The following PCDH7 variants were observed in gnomAD, a reference collection of about 807,000 sequenced individuals.
PCDH7 encodes protocadherin 7.
In PCDH7, 17 loss-of-function variants were observed where a neutral mutation model predicts 58.9. The observed-to-expected ratio is 0.29, with a 90% CI of 0.20 to 0.43. PCDH7 has a LOEUF of 0.43. Among genes scored for constraint, PCDH7 ranks in the 20% least tolerant of loss-of-function variants. The probability of loss-of-function intolerance (pLI) is 1.00; values close to 1 mark genes in which losing one functional copy is unlikely to be tolerated. For synonymous variants in PCDH7, 664 were observed against 616.4 expected (o/e 1.08, Z -1.14); for missense variants, 1,274 against 1,441.0 (o/e 0.88, Z 1.88).
At chr4:30,796,746 T>C (rs965266148) in intron 1 of PCDH7, among the ~76,000 whole-genome samples, 7 of 152,170 alleles carry the variant, frequency 4.6e-5, no homozygotes, top group African/African-American at 1.7e-4. Context: ...AAACTCCCTT[T>C]CCCACTTTAC....
chr4:30,737,261 C>G (rs1190203563), downstream of PCDH7, among the ~76,000 whole-genome samples: 4 of 152,194 alleles, frequency 2.6e-5, no homozygotes, highest in Non-Finnish European at 4.4e-5. Context: ...TTTTGAAGCA[C>G]TAAAGCAACT....
intron 1 of PCDH7, among the ~76,000 whole-genome samples, chr4:30,879,024 T>C (rs905858605): frequency 1.5e-4 from 23 of 152,142 alleles, no homozygotes; most frequent in African/African-American, 5.1e-4. Flanking sequence ...TAATAGTATT[T>C]ATTAAAATAT....
intron 1 of PCDH7, among the ~76,000 whole-genome samples, chr4:30,859,405 G>A (rs1733898602): frequency 6.6e-6 from 1 of 150,716 alleles, no homozygotes; most frequent in Admixed American, 6.6e-5. Flanking sequence ...TCATTCCCCT[G>A]TATGTGCATC....
intron 3 of PCDH7, among the ~76,000 whole-genome samples, chr4:31,028,279 G>GT (rs1372625506): frequency 3.9e-5 from 6 of 151,962 alleles, no homozygotes; most frequent in Middle Eastern, 3.2e-3. Context: ...AAATCCCTGG[G>GT]TTTTTTTGTT....
In PCDH7 at chr4:31,107,869, G is replaced by T. The variant is rs556993944; in HGVS notation, c.*8-34604G>T. Among the ~76,000 whole-genome samples, 20 of 152,020 alleles carry T rather than the reference G, an allele frequency of 1.3e-4. No homozygotes were observed. The East Asian group carries it at 3.5e-3, about 27-fold the overall frequency. ...TTACCTTTCTCACCGGAATTTTGTGGATATTTATGATTAGATATATGTAAA... is the reference window on the plus strand; with the variant it reads ...TTACCTTTCTCACCGGAATTTTGTGTATATTTATGATTAGATATATGTAAA... On this transcript the variant is annotated intron_variant, in intron 3 of 3. Transcript: ENST00000509759.
chr4:30,721,848 C>A lies in PCDH7; in HGVS notation c.426C>A (p.Thr142=), dbSNP rs1713618685. The change falls in exon 1 of 2, where the codon ACC becomes ACA. Residue 142 remains threonine (T), a synonymous_variant. Transcript: ENST00000361762. This position sits in a 1 kb window ranked among gnomAD's most constrained non-coding sequence, Gnocchi z 6.7. ...TTGACATCAACGACAACACGCCCAC[C>A]TTCCCGTCGCCCGTGCTCACGCTCA... 7.5e-6 allele frequency: 12 copies of A among 1,607,666 alleles called. No homozygotes were observed. Among genetic ancestry groups the A allele is most frequent in the Non-Finnish European group, 1.0e-5 (12 of 1,177,524 alleles).
At chr4:31,095,602 AT>A (rs1375245578) in intron 3 of PCDH7, among the ~76,000 whole-genome samples, 5 of 152,318 alleles carry the variant, frequency 3.3e-5, no homozygotes, top group South Asian at 2.1e-4. Flanking sequence ...TTATTCAAAA[AT>A]TTAAAAGAAG....
At chr4:31,048,739 A>G (rs1468602279) in intron 3 of PCDH7, among the ~76,000 whole-genome samples, 2 of 152,052 alleles carry the variant, frequency 1.3e-5, no homozygotes, top group African/African-American at 4.8e-5. Context: ...AAAAAAAGGC[A>G]AAGCTTAATT....
At chr4:31,083,554 A>G (rs1423320261) in intron 3 of PCDH7, among the ~76,000 whole-genome samples, 4 of 152,112 alleles carry the variant, frequency 2.6e-5, no homozygotes, top group African/African-American at 7.2e-5. Flanking sequence ...AACTAAGCTC[A>G]TTTTTCTTTG....
intron 1 of PCDH7, among the ~76,000 whole-genome samples, chr4:30,769,854 C>G (rs919737388): frequency 2.6e-5 from 4 of 152,182 alleles, no homozygotes; most frequent in Non-Finnish European, 5.9e-5. Context: ...ATGTGCCATC[C>G]TGCAAAGTCA....
chr4:31,062,156 A>G (rs1459551470), intron 3 of PCDH7, among the ~76,000 whole-genome samples: 1 of 151,680 alleles, frequency 6.6e-6, no homozygotes, highest in East Asian at 1.9e-4. Flanking sequence ...AAGTTATCAG[A>G]AAACCAAAAG....
intron 3 of PCDH7, among the ~76,000 whole-genome samples, chr4:31,048,632 G>A (rs1756479917): frequency 6.6e-6 from 1 of 151,926 alleles, no homozygotes; most frequent in Admixed American, 6.6e-5. Flanking sequence ...GAAGCCTCAA[G>A]CTTTTACTAC....
chr4:31,078,735 A>T (rs192052907), intron 3 of PCDH7, among the ~76,000 whole-genome samples: 6 of 148,194 alleles, frequency 4.0e-5, no homozygotes, highest in African/African-American at 1.5e-4. Flanking sequence ...TTGGAATATT[A>T]CAAGTCCAAA....
chr4:31,135,380 T>C (rs1229981615), intron 3 of PCDH7, among the ~76,000 whole-genome samples: 1 of 152,124 alleles, frequency 6.6e-6, no homozygotes, highest in African/African-American at 2.4e-5. Context: ...CCATGACACG[T>C]GATGAATAAA....
intron 3 of PCDH7, among the ~76,000 whole-genome samples, chr4:30,971,535 C>G (rs755003633): frequency 6.6e-5 from 10 of 152,190 alleles, no homozygotes; most frequent in Non-Finnish European, 1.3e-4. Flanking sequence ...ATCAGAGTCA[C>G]TCTATTAAAA....
intron 1 of PCDH7, 176 bp downstream of exon 1, chr4:30,724,772 A>G (rs1462122204): frequency 1.4e-6 from 2 of 1,422,808 alleles, no homozygotes; most frequent in South Asian, 3.4e-5. Context: ...CAAGAGGTAT[A>G]CCACTGTATT....
chr4:30,745,953 C>A (rs928822261), intron 1 of PCDH7, among the ~76,000 whole-genome samples: 7 of 152,136 alleles, frequency 4.6e-5, no homozygotes. Flanking sequence ...GATTCTCCTG[C>A]CTCAGCCTCC....
intron 3 of PCDH7, among the ~76,000 whole-genome samples, chr4:31,116,114 A>G (rs958028143): frequency 2.0e-5 from 3 of 152,116 alleles, no homozygotes; most frequent in Non-Finnish European, 4.4e-5. Flanking sequence ...AATGATCCTA[A>G]AAAATCTAAG....
chr4:31,073,830 C>A (rs2109256688), intron 3 of PCDH7, among the ~76,000 whole-genome samples: 1 of 152,114 alleles, frequency 6.6e-6, no homozygotes, highest in African/African-American at 2.4e-5. Flanking sequence ...ACTTAAAATC[C>A]TCCAATCCAT....
Sources: allele counts gnomAD v4.1 joint callset (sites outside exome capture counted in the v4.1 genomes callset), GRCh38; gene constraint gnomAD v4.1.1; non-coding constraint Gnocchi (gnomAD v3.1); transcripts MANE v1.5; gene names NCBI Gene and HGNC (gene_info 2026-07-23, HGNC 2026-07-21).